The following MEGF6 variants were observed in gnomAD, a reference collection of about 807,000 sequenced individuals.
The protein encoded by MEGF6 is multiple epidermal growth factor-like domains protein 6.
In MEGF6, 184 loss-of-function variants were observed where a neutral mutation model predicts 207.1. That is an observed-to-expected ratio of 0.89 (90% CI 0.79 to 1.00). The LOEUF is 1.00. Among genes scored for constraint, MEGF6 ranks in the 50% least tolerant of loss-of-function variants. The pLI is 0.00. For synonymous variants in MEGF6, 1,038 were observed against 910.0 expected (o/e 1.14, Z -2.53); for missense variants, 2,282 against 2,202.9 (o/e 1.04, Z -0.72).
At position 3,565,827 on chromosome 1, in the gene MEGF6, C is replaced by A. The variant is rs907310380; in HGVS notation, c.481+13998G>T. ...CAGGTGCCTTCCAACTCTGCTCCAGCCACGCTCGGCATTCCGTCCAGGGCA... is the reference window on the plus strand; with the variant it reads ...CAGGTGCCTTCCAACTCTGCTCCAGACACGCTCGGCATTCCGTCCAGGGCA... On this transcript the variant is annotated intron_variant, in intron 4 of 36. Coordinates refer to ENST00000356575, the MANE Select transcript of MEGF6 (RefSeq NM_001409.4). This position sits in a 1 kb window ranked among gnomAD's most constrained non-coding sequence, Gnocchi z 4.8. 1.3e-5 allele frequency among the ~76,000 whole-genome samples: 2 copies of A among 152,188 alleles called. No homozygotes were observed. Among genetic ancestry groups the A allele is most frequent in the Non-Finnish European group, 2.9e-5 (2 of 68,026 alleles).
At chr1:3,568,947 CA>C (rs1028166847) in intron 4 of MEGF6, among the ~76,000 whole-genome samples, 3 of 152,230 alleles carry the variant, frequency 2.0e-5, no homozygotes, top group Non-Finnish European at 4.4e-5. Flanking sequence ...GCCAAACCCT[CA>C]GTGTGGCCCA....
intron 15 of MEGF6, 65 bp downstream of exon 15, chr1:3,506,043 G>A: frequency 6.6e-7 from 1 of 1,520,672 alleles, no homozygotes; most frequent in African/African-American, 1.4e-5. Context: ...CAGGTAACAG[G>A]ACATGGACCA....
At chr1:3,531,096 G>A (rs1050444709) in intron 4 of MEGF6, 8 of 1,526,054 alleles carry the variant, frequency 5.2e-6, no homozygotes, top group African/African-American at 1.4e-5. Flanking sequence ...TCTGGTCACC[G>A]GCGCTCACGG....
chr1:3,497,329 C>A lies in MEGF6; in HGVS notation c.3385G>T (p.Ala1129Ser). 6.4e-7 allele frequency: 1 copy of A among 1,552,964 alleles called. No homozygotes were observed. The highest frequency in any genetic ancestry group is 1.2e-5 in the South Asian group (1 of 82,420). ...CLRGWFGEACAQRCSCPPGAA... is the reference protein window; with the variant it reads ...CLRGWFGEACSQRCSCPPGAA... ...CCAGGCGGGCAGCTGCAGCGCTGGG[C>A]ACAGGCCTCTCCAAACCAGCCCCGC... The change falls in exon 27 of 37, where the codon GCC becomes TCC. Residue 1129 changes from alanine (A) to serine (S), a missense_variant. Physicochemically the swap from Ala to Ser is moderately conservative, Grantham distance 99. Coordinates refer to ENST00000356575, the MANE Select transcript of MEGF6 (RefSeq NM_001409.4).
rs1640304858 is a variant in MEGF6 at position 3,490,463 on chromosome 1, G to A, written c.*65C>T. The A allele has an allele frequency of 7.7e-6, 12 of 1,567,726 alleles. No individual in the cohort carries two copies. The Middle Eastern group carries it at 8.4e-4, about 110-fold the overall frequency. Reference sequence around the variant, plus strand: ...GGCCCGTGAAGTGTCCTTCTCAGTGGTCACCAAAGGCCAGGGTCCCCTCTG... The same window carrying A: ...GGCCCGTGAAGTGTCCTTCTCAGTGATCACCAAAGGCCAGGGTCCCCTCTG... On this transcript the variant is annotated 3_prime_UTR_variant, in exon 37 of 37. Transcript: ENST00000356575.
Position 3,501,089 on chromosome 1 carries a change from G to C in MEGF6, c.2452C>G (p.Pro818Ala), listed in dbSNP as rs371056987. The change falls in exon 20 of 37, where the codon CCA becomes GCA. Residue 818 changes from proline (P) to alanine (A), a missense_variant. By Grantham distance (27) the Pro-to-Ala change is conservative. Coordinates refer to ENST00000356575, the MANE Select transcript of MEGF6 (RefSeq NM_001409.4). ...CAGCTGGGACCATACCAGCCTGCTG[G>C]GCACACTACAGGCAGGCGAGAGAGG... ...FVGSRCQDVC[P>A]AGWYGPSCQT... 397 of 1,612,706 alleles carry C rather than the reference G, an allele frequency of 2.5e-4. 2 individuals are homozygous for C. The highest frequency in any genetic ancestry group is 3.5e-5 in the Non-Finnish European group (41 of 1,179,896).
intron 4 of MEGF6, among the ~76,000 whole-genome samples, chr1:3,527,100 C>T (rs1405075161): frequency 2.6e-5 from 4 of 152,194 alleles, no homozygotes; most frequent in African/African-American, 4.8e-5. Flanking sequence ...GGTCCATGAT[C>T]GGCTGTGACC....
In MEGF6 at chr1:3,514,678, G is replaced by A. The variant is rs1174166789; in HGVS notation, c.731-6C>T. ...GTTGGCACACGGGCTTCTACCTGCAGCCACGGGCCCGAGGAGGGGGTTGGG... is the reference window on the plus strand; with the variant it reads ...GTTGGCACACGGGCTTCTACCTGCAACCACGGGCCCGAGGAGGGGGTTGGG... On this transcript the variant is annotated splice_region_variant and splice_polypyrimidine_tract_variant and intron_variant, in intron 6 of 36. Coordinates refer to ENST00000356575, the MANE Select transcript of MEGF6 (RefSeq NM_001409.4). 2.4e-5 allele frequency: 37 copies of A among 1,570,712 alleles called. No individual in the cohort carries two copies. Among genetic ancestry groups the A allele is most frequent in the Non-Finnish European group, 2.9e-5 (34 of 1,160,280 alleles).
chr1:3,511,831 G>T, intron 8 of MEGF6, 144 bp from the exon 9 acceptor site: 9 of 1,432,140 alleles, frequency 6.3e-6, no homozygotes, highest in Non-Finnish European at 8.5e-6. Context: ...CCCAGGCCTT[G>T]TTGGGTCTGG....
At chr1:3,546,706 C>T (rs1317404804) in intron 4 of MEGF6, among the ~76,000 whole-genome samples, 2 of 139,626 alleles carry the variant, frequency 1.4e-5, no homozygotes, top group African/African-American at 2.7e-5. Context: ...AGGGGGCTGC[C>T]AAGGAGGACG....
chr1:3,531,353 C>A, intron 4 of MEGF6: 1 of 1,191,432 alleles, frequency 8.4e-7, no homozygotes. Flanking sequence ...GGGTTCCGGG[C>A]GGGCGCGCAA....
intron 4 of MEGF6, among the ~76,000 whole-genome samples, chr1:3,552,295 G>A (rs528797926): frequency 7.9e-5 from 12 of 152,340 alleles, no homozygotes; most frequent in Admixed American, 2.0e-4. Context: ...GGGACATGGC[G>A]AGGGCAGGTG....
chr1:3,493,931 C>A, intron 33 of MEGF6, 32 bp from the exon 34 acceptor site: 1 of 1,582,710 alleles, frequency 6.3e-7, no homozygotes, highest in East Asian at 2.3e-5. Context: ...GTGTCCCCCT[C>A]CTGTCCTGCA....
intron 1 of MEGF6, among the ~76,000 whole-genome samples, chr1:3,610,508 C>T (rs1323001136): frequency 2.6e-4 from 5 of 19,278 alleles, no homozygotes; most frequent in South Asian, 5.6e-3. Context: ...CCTCCACTGC[C>T]GCACGTTTTC....
At chr1:3,539,694 C>T (rs1180995511) in intron 4 of MEGF6, among the ~76,000 whole-genome samples, 1 of 152,186 alleles carries the variant, frequency 6.6e-6, no homozygotes, top group African/African-American at 2.4e-5. Flanking sequence ...GCTACCTGGG[C>T]GCCTCGGTTT....
chr1:3,592,542 T>A (rs1194530913), intron 3 of MEGF6, among the ~76,000 whole-genome samples: 2 of 152,176 alleles, frequency 1.3e-5, no homozygotes, highest in Non-Finnish European at 2.9e-5. Flanking sequence ...GCTGCCAGGG[T>A]CCCCGAACCC....
chr1:3,602,452 G>T lies in MEGF6; in HGVS notation c.266+14C>A. 1 of 1,613,226 alleles carries T rather than the reference G, an allele frequency of 6.2e-7. No homozygotes were observed. Among genetic ancestry groups the T allele is most frequent in the Non-Finnish European group, 8.5e-7 (1 of 1,179,870 alleles). On this transcript the variant is annotated intron_variant, in intron 2 of 36. Coordinates refer to ENST00000356575, the MANE Select transcript of MEGF6 (RefSeq NM_001409.4). ...GAATGGAGCCCCTCCCCCAACACGGGCCCCTGCACTTACCTCCGCTCATGA... is the reference window on the plus strand; with the variant it reads ...GAATGGAGCCCCTCCCCCAACACGGTCCCCTGCACTTACCTCCGCTCATGA...
In MEGF6 at chr1:3,565,665, TG is replaced by T. The variant is rs991464991; in HGVS notation, c.481+14159del. On this transcript the variant is annotated intron_variant, in intron 4 of 36. Coordinates refer to ENST00000356575, the MANE Select transcript of MEGF6 (RefSeq NM_001409.4). The surrounding 1 kb of genome is among the most constrained non-coding windows in gnomAD (Gnocchi z 4.8). ...AATTGCCCAGTTAAACAGAGTGGCATGGGGCTGTCCAGGATTCCCTGTCCCA... is the reference window on the plus strand; with the variant it reads ...AATTGCCCAGTTAAACAGAGTGGCATGGGCTGTCCAGGATTCCCTGTCCCA... Among the ~76,000 whole-genome samples the T allele has an allele frequency of 7.9e-4, 120 of 152,224 alleles. 1 individual carries two copies. Among genetic ancestry groups the T allele is most frequent in the African/African-American group, 2.7e-3 (113 of 41,544 alleles).
intron 34 of MEGF6, 126 bp downstream of exon 34, chr1:3,493,645 G>C (rs974272949): frequency 6.8e-6 from 9 of 1,328,114 alleles, no homozygotes; most frequent in African/African-American, 4.4e-5. Flanking sequence ...CACAGTCCAG[G>C]TGCAGAGGCA....
Sources: gnomAD v4.1 joint callset for allele counts (sites outside exome capture counted in the v4.1 genomes callset) on GRCh38, gnomAD v4.1.1 for gene constraint, Gnocchi (gnomAD v3.1) non-coding constraint, MANE v1.5 for transcripts, NCBI Gene and HGNC (gene_info 2026-07-23, HGNC 2026-07-21) for gene names.